Variants in ADA observed in about 807,000 individuals in gnomAD.
ADA encodes the protein adenosine deaminase.
A neutral mutation model predicts 49.0 loss-of-function variants in ADA; 45 were observed. The ratio of observed to expected loss-of-function variants is 0.92; its 90% CI spans 0.72 to 1.18. The LOEUF is 1.18. Ranked by LOEUF, ADA falls within the 50% of genes most tolerant of loss-of-function variation. The pLI, the probability that ADA is intolerant of heterozygous loss-of-function variation, is 0.00. For missense variants in ADA, 445 were observed against 472.5 expected (o/e 0.94, Z 0.54); for synonymous variants, 173 against 184.2 (o/e 0.94, Z 0.49).
intron 1 of ADA, among the ~76,000 whole-genome samples, chr20:44,640,026 C>T (rs866746276): frequency 6.6e-6 from 1 of 151,922 alleles, no homozygotes; most frequent in South Asian, 2.1e-4. Flanking sequence ...CAAGGAGAAG[C>T]GAGCAACGGT....
At chr20:44,641,295 G>A (rs1024666500) in intron 1 of ADA, among the ~76,000 whole-genome samples, 29 of 152,094 alleles carry the variant, frequency 1.9e-4, no homozygotes, top group African/African-American at 6.5e-4. Flanking sequence ...AAAAAAACAC[G>A]TAGTCAAGAT....
At chr20:44,626,314 C>T in intron 4 of ADA, 142 bp downstream of exon 4, 1 of 1,186,702 alleles carries the variant, frequency 8.4e-7, no homozygotes, top group Non-Finnish European at 1.2e-6. Flanking sequence ...TTAAACCCAT[C>T]TTTCTGAGGC....
chr20:44,626,121 GC>G (rs2065380219), intron 4 of ADA, among the ~76,000 whole-genome samples: 1 of 152,156 alleles, frequency 6.6e-6, no homozygotes, highest in South Asian at 2.1e-4. Flanking sequence ...GACCTTTAGG[GC>G]CTTTAGAGAT....
In ADA at chr20:44,619,703, T is replaced by A; in HGVS notation, c.*131A>T. 8.1e-7 allele frequency: 1 copy of A among 1,230,516 alleles called. No individual in the cohort carries two copies. Among genetic ancestry groups the A allele is most frequent in the Non-Finnish European group, 1.2e-6 (1 of 838,064 alleles). The allele number at this position is 1,230,516 out of a possible 1,614,324, so 76.2% of individuals were successfully genotyped here. ...ATACGTGTGTGCAGAAATGGACACA[T>A]AGGGTTCAGGAGCATCAGTAACTGA... is the stretch of plus-strand genomic sequence containing the variant. On this transcript the variant is annotated 3_prime_UTR_variant, in exon 12 of 12. Transcript: ENST00000372874.
At chr20:44,620,927 C>G (rs2065324441) in intron 10 of ADA, 91 bp downstream of exon 10, 1 of 1,573,228 alleles carries the variant, frequency 6.4e-7, no homozygotes, top group East Asian at 2.2e-5. Flanking sequence ...GACTCACTCC[C>G]TCTCTCCAAA....
At chr20:44,627,062 C>T (rs985538177) in intron 3 of ADA, among the ~76,000 whole-genome samples, 2 of 152,086 alleles carry the variant, frequency 1.3e-5, no homozygotes, top group African/African-American at 4.8e-5. Context: ...CCTGAGGCCA[C>T]CGGAGAAGAC....
In ADA at chr20:44,651,683, C is replaced by G. The variant is rs1048345676; in HGVS notation, c.-76G>C. ...CTCTGCCGGCTCGGTGGCCGCTCGGCTTTCCCTGGGGCCAGCGGTGGCCGC... is the reference window on the plus strand; with the variant it reads ...CTCTGCCGGCTCGGTGGCCGCTCGGGTTTCCCTGGGGCCAGCGGTGGCCGC... On this transcript the variant is annotated 5_prime_UTR_variant, in exon 1 of 12. Transcript: ENST00000372874. 1.1e-5 allele frequency: 16 copies of G among 1,436,028 alleles called. No individual in the cohort carries two copies. The highest frequency in any genetic ancestry group is 1.5e-5 in the Non-Finnish European group (16 of 1,099,618). 89.0% of individuals were successfully genotyped at this position (1,436,028 alleles called of 1,614,324 possible). A position where few individuals can be genotyped will look rare whatever the true frequency, so the allele number is the denominator to read the frequency against.
intron 5 of ADA, 25 bp from the exon 6 acceptor site, chr20:44,624,354 C>G (rs780573286): frequency 6.2e-7 from 1 of 1,612,228 alleles, no homozygotes; most frequent in Non-Finnish European, 8.5e-7. Flanking sequence ...CCCACCCAGG[C>G]TCTGTCACCA....
At chr20:44,629,427 TG>T (rs2065413136) in intron 2 of ADA, among the ~76,000 whole-genome samples, 1 of 152,158 alleles carries the variant, frequency 6.6e-6, no homozygotes, top group Non-Finnish European at 1.5e-5. Flanking sequence ...AGTGTGTGTG[TG>T]TGTGTGTGTG....
At chr20:44,638,611 C>T (rs77934914) in intron 1 of ADA, among the ~76,000 whole-genome samples, 300 of 152,196 alleles carry the variant, frequency 2.0e-3, no homozygotes, top group Non-Finnish European at 3.1e-3. Flanking sequence ...TAAAAGTCAA[C>T]GAAGGCCTGC....
intron 9 of ADA, 138 bp downstream of exon 9, chr20:44,622,450 C>T (rs183939447): frequency 2.5e-5 from 26 of 1,044,586 alleles, no homozygotes; most frequent in Non-Finnish European, 3.6e-5. Context: ...ATGAGGACGG[C>T]AATGCCTGCT....
rs121908737 is a variant in ADA, at chr20:44,625,601, C to A, written c.446G>T (p.Arg149Leu). The A allele has an allele frequency of 6.3e-7, 1 of 1,588,694 alleles. No homozygotes were observed. The highest frequency in any genetic ancestry group is 2.0e-4 in the Middle Eastern group (1 of 5,124). ...EGERDFGVKA[R>L]SILCCMRHQP... is the part of the protein sequence containing the mutation. ...GTGGCGCATGCAGCACAGGATGGAC[C>A]GGGCCTTGACCCCGAAGTCTCGCTC... The change falls in exon 5 of 12, where the codon CGG (arginine) becomes CTG (leucine). Residue 149 changes from arginine to leucine, a missense_variant. Coordinates refer to ENST00000372874, the MANE Select transcript of ADA (RefSeq NM_000022.4).
intron 9 of ADA, among the ~76,000 whole-genome samples, chr20:44,621,956 G>T (rs955440533): frequency 2.0e-5 from 3 of 152,170 alleles, no homozygotes; most frequent in Non-Finnish European, 2.9e-5. Flanking sequence ...CATCAGAGCC[G>T]AAGCCCCTCC....
chr20:44,632,361 C>T (rs931258665), intron 2 of ADA, among the ~76,000 whole-genome samples: 1 of 152,060 alleles, frequency 6.6e-6, no homozygotes, highest in African/African-American at 2.4e-5. Context: ...ACTGGGAAGG[C>T]ACTGTAGGAT....
chr20:44,649,305 G>GCTCTGGT (rs1467123238), intron 1 of ADA, among the ~76,000 whole-genome samples: 8 of 152,048 alleles, frequency 5.3e-5, no homozygotes, highest in Non-Finnish European at 1.2e-4. Context: ...CAGGGAGCTG[G>GCTCTGGT]CTCTGGTCAC....
intron 1 of ADA, among the ~76,000 whole-genome samples, chr20:44,643,494 A>T (rs1234680700): frequency 1.3e-5 from 2 of 152,202 alleles, no homozygotes; most frequent in Admixed American, 1.3e-4. Context: ...TAGGCAATGT[A>T]CATATCGGCC....
chr20:44,626,641 T>TC (rs2065385578), intron 3 of ADA, 42 bp from the exon 4 acceptor site: 1 of 1,611,430 alleles, frequency 6.2e-7, no homozygotes, highest in South Asian at 1.1e-5. Flanking sequence ...CTTCCCCAAG[T>TC]CCCTTGGGAG....
At chr20:44,620,137 A>G (rs1187681304) in intron 11 of ADA, among the ~76,000 whole-genome samples, 162 bp downstream of exon 11, 1 of 152,182 alleles carries the variant, frequency 6.6e-6, no homozygotes, top group East Asian at 1.9e-4. Context: ...AAACAAACCG[A>G]TCTAATGAGA....
chr20:44,629,285 A>C, intron 2 of ADA, 116 bp from the exon 3 acceptor site: 1 of 1,461,932 alleles, frequency 6.8e-7, no homozygotes, highest in Non-Finnish European at 9.4e-7. Context: ...ACAGCAGGAG[A>C]CATGGGCGTC....
Sources: gnomAD v4.1 joint callset for allele counts (sites outside exome capture counted in the v4.1 genomes callset) on GRCh38, gnomAD v4.1.1 for gene constraint, MANE v1.5 for transcripts, NCBI Gene and HGNC (gene_info 2026-07-23, HGNC 2026-07-21) for gene names.